CCDC92B: variants seen among roughly 807,000 people sequenced by gnomAD.
CCDC92B encodes coiled-coil domain-containing 92B.
CCDC92B carries 2 observed loss-of-function variants against 5.6 expected under a neutral mutation model. The ratio of observed to expected loss-of-function variants is 0.36; its 90% CI spans 0.15 to 1.12. The LOEUF (loss-of-function observed/expected upper bound fraction) is 1.12, where lower values mean the gene tolerates loss of function less well. Among genes scored for constraint, CCDC92B ranks in the 50% most tolerant of loss-of-function variants. The pLI, the probability that CCDC92B is intolerant of heterozygous loss-of-function variation, is 0.40. For missense variants in CCDC92B, 271 were observed against 262.2 expected (o/e 1.03, Z -0.23); for synonymous variants, 115 against 122.3 (o/e 0.94, Z 0.39).
chr17:2,731,644 C>T (rs560274490), intron 2 of CCDC92B, among the ~76,000 whole-genome samples: 8 of 152,284 alleles, frequency 5.3e-5, no homozygotes, highest in South Asian at 4.1e-4. Context: ...CTGAGGAGGC[C>T]GGTTGTTGCT....
chr17:2,743,079 C>A (rs2070940971), intron 1 of CCDC92B, among the ~76,000 whole-genome samples: 1 of 152,232 alleles, frequency 6.6e-6, no homozygotes, highest in African/African-American at 2.4e-5. Flanking sequence ...TCCTGACTGT[C>A]ATCTCACTTC....
intron 3 of CCDC92B, among the ~76,000 whole-genome samples, chr17:2,728,608 A>AC (rs1485752508): frequency 6.6e-6 from 1 of 151,872 alleles, no homozygotes; most frequent in Non-Finnish European, 1.5e-5. Flanking sequence ...GTCTCAAAAA[A>AC]AAAAAACAAA....
At chr17:2,730,741 C>T (rs1166751406) in intron 2 of CCDC92B, among the ~76,000 whole-genome samples, 1 of 152,124 alleles carries the variant, frequency 6.6e-6, no homozygotes, top group African/African-American at 2.4e-5. Flanking sequence ...GAAATCTTCC[C>T]AGCTCCAGCT....
At chr17:2,726,216 C>T (rs1473571335) in intron 3 of CCDC92B, among the ~76,000 whole-genome samples, 6 of 150,816 alleles carry the variant, frequency 4.0e-5, no homozygotes, top group Non-Finnish European at 5.9e-5. Context: ...CTTGCTCTCT[C>T]GCCCAGGTTG....
chr17:2,722,938 C>A lies in CCDC92B; in HGVS notation c.*1473G>T. 1 of 152,608 alleles carries A rather than the reference C, an allele frequency of 6.6e-6. No homozygotes were observed. The allele number at this position is 152,608 out of a possible 1,614,324, so 9.5% of individuals were successfully genotyped here. A position where few individuals can be genotyped will look rare whatever the true frequency, so the allele number is the denominator to read the frequency against. On this transcript the variant is annotated 3_prime_UTR_variant, in exon 4 of 4. Transcript: ENST00000614400. ...ATAAGCTGCGCTGAAACTGTCCTTC[C>A]TGCCTTTGGTGGTGGACGGGGAGCT...
intron 1 of CCDC92B, chr17:2,748,598 C>A: frequency 1.0e-6 from 1 of 985,096 alleles, no homozygotes; most frequent in Non-Finnish European, 1.2e-6. Flanking sequence ...GAGGGCAAGG[C>A]TTTGTCTCTG....
At chr17:2,728,061 C>T (rs7218864) in intron 3 of CCDC92B, among the ~76,000 whole-genome samples, 15 of 151,890 alleles carry the variant, frequency 9.9e-5, no homozygotes, top group South Asian at 2.1e-4. Flanking sequence ...GCACAGTGGT[C>T]GTGCCTGTAA....
chr17:2,740,959 C>T lies in CCDC92B; in HGVS notation c.-23-5791G>A, dbSNP rs537539570. Among the ~76,000 whole-genome samples, 6 of 119,734 alleles carry T rather than the reference C, an allele frequency of 5.0e-5. No individual in the cohort carries two copies. The East Asian group carries it at 1.3e-3, about 27-fold the overall frequency. The allele number at this position is 119,734 out of a possible 152,430, so 78.6% of individuals were successfully genotyped here. ...TCAGTCCTGGTGACAGACAAAGACC[C>T]TGTCTCAAAAAAAAAAAAAAAAAAA... is the stretch of plus-strand genomic sequence containing the variant. On this transcript the variant is annotated intron_variant, in intron 1 of 3. Transcript: ENST00000614400.
chr17:2,722,703 A>T lies in CCDC92B; in HGVS notation c.*1708T>A, dbSNP rs1247732922. 1 of 152,248 alleles carries T rather than the reference A, an allele frequency of 6.6e-6. No individual in the cohort carries two copies. The allele number at this position is 152,248 out of a possible 1,614,324, so 9.4% of individuals were successfully genotyped here. On this transcript the variant is annotated 3_prime_UTR_variant, in exon 4 of 4. Transcript: ENST00000614400. The stretch of plus-strand genomic sequence containing the variant: ...TGCTCACCTCCCAGACCCCTGCGTG[A>T]CAGAATGTGTGGCCTCAGCCAGGGT...
intron 3 of CCDC92B, among the ~76,000 whole-genome samples, chr17:2,727,652 C>T (rs996913931): frequency 2.0e-5 from 3 of 152,010 alleles, no homozygotes; most frequent in Admixed American, 1.3e-4. Context: ...GGCGAAACCC[C>T]GTCTCTACTA....
chr17:2,739,788 CTCT>C (rs999831433), intron 1 of CCDC92B, among the ~76,000 whole-genome samples: 7 of 152,054 alleles, frequency 4.6e-5, no homozygotes, highest in Non-Finnish European at 5.9e-5. Flanking sequence ...TCCCTTCTTC[CTCT>C]TCTTCTCTGT....
intron 1 of CCDC92B, among the ~76,000 whole-genome samples, chr17:2,738,841 C>T (rs531617842): frequency 7.0e-4 from 105 of 150,178 alleles, no homozygotes; most frequent in Admixed American, 1.5e-3. Flanking sequence ...GAGGCTGAGG[C>T]GGGTGGATCA....
intron 1 of CCDC92B, among the ~76,000 whole-genome samples, chr17:2,739,421 C>T (rs2070899780): frequency 6.9e-6 from 1 of 144,904 alleles, no homozygotes. Context: ...TGGCTCATGC[C>T]TGTAATCCCA....
At chr17:2,732,723 T>TA (rs949837596) in intron 2 of CCDC92B, among the ~76,000 whole-genome samples, 8 of 126,508 alleles carry the variant, frequency 6.3e-5, no homozygotes, top group Non-Finnish European at 8.4e-5. Flanking sequence ...TTGTAAAAAT[T>TA]AAAAAAAAGG....
intron 1 of CCDC92B, among the ~76,000 whole-genome samples, chr17:2,736,216 C>T (rs1247806757): frequency 1.3e-5 from 2 of 151,960 alleles, no homozygotes; most frequent in East Asian, 3.9e-4. Flanking sequence ...ATCACAAGGT[C>T]AGGAGTTCAA....
At chr17:2,741,288 G>A (rs1224608496) in intron 1 of CCDC92B, among the ~76,000 whole-genome samples, 1 of 152,048 alleles carries the variant, frequency 6.6e-6, no homozygotes, top group Non-Finnish European at 1.5e-5. Context: ...AGACATTGCC[G>A]CTGCTAGTAA....
chr17:2,728,036 C>T lies in CCDC92B; in HGVS notation c.178+2410G>A, dbSNP rs199965846. On this transcript the variant is annotated intron_variant, in intron 3 of 3. Coordinates refer to ENST00000614400, the MANE Select transcript of CCDC92B (RefSeq NM_001355573.2). ...AAAAAAAGAAAGAGTTCTCAAAGCC[C>T]ATTGAAAGAGCCAGGCACAGTGGTC... Among the ~76,000 whole-genome samples the T allele has an allele frequency of 5.3e-5, 8 of 151,798 alleles. No homozygotes were observed. In the East Asian group the frequency reaches 1.6e-3, roughly 30 times the overall value.
chr17:2,734,981 C>A, intron 2 of CCDC92B, 35 bp downstream of exon 2: 3 of 985,510 alleles, frequency 3.0e-6, no homozygotes, highest in Non-Finnish European at 3.6e-6. Context: ...ACAGTGACCT[C>A]TCCCCACCCG....
At position 2,724,172 on chromosome 17, in the gene CCDC92B, G is replaced by A; in HGVS notation, c.*239C>T. 2.0e-6 allele frequency: 2 copies of A among 985,418 alleles called. No homozygotes were observed. Among genetic ancestry groups the A allele is most frequent in the Non-Finnish European group, 2.4e-6 (2 of 829,920 alleles). 61.0% of individuals were successfully genotyped at this position (985,418 alleles called of 1,614,324 possible). ...ACGGCGAGTCCTCTCGGTAGAGAAG[G>A]TGCCCCCGCTCGGCCCCGCGGAGGA... On this transcript the variant is annotated 3_prime_UTR_variant, in exon 4 of 4. Coordinates refer to ENST00000614400, the MANE Select transcript of CCDC92B (RefSeq NM_001355573.2). The surrounding 1 kb of genome is among the most constrained non-coding windows in gnomAD (Gnocchi z 5.0).
Sources: allele counts gnomAD v4.1 joint callset (sites outside exome capture counted in the v4.1 genomes callset), GRCh38; gene constraint gnomAD v4.1.1; non-coding constraint Gnocchi (gnomAD v3.1); transcripts MANE v1.5; gene names NCBI Gene and HGNC (gene_info 2026-07-23, HGNC 2026-07-21).